EYA4: variants seen among roughly 807,000 people sequenced by gnomAD.
The protein encoded by EYA4 is protein phosphatase EYA4.
EYA4 carries 31 observed loss-of-function variants against 87.9 expected under a neutral mutation model. The observed-to-expected ratio is 0.35, with a 90% CI of 0.27 to 0.48. The LOEUF (loss-of-function observed/expected upper bound fraction) is 0.48, where lower values mean the gene tolerates loss of function less well. Among genes scored for constraint, EYA4 ranks in the 20% least tolerant of loss-of-function variants. The pLI is 0.99. For synonymous variants in EYA4, 263 were observed against 270.6 expected (o/e 0.97, Z 0.28); for missense variants, 678 against 761.4 (o/e 0.89, Z 1.29).
chr6:133,392,058 G>A (rs556082682), intron 3 of EYA4, among the ~76,000 whole-genome samples: 1 of 152,272 alleles, frequency 6.6e-6, no homozygotes, highest in African/African-American at 2.4e-5. Context: ...GATTGCTGGA[G>A]ACAGACCTTT....
chr6:133,291,782 C>CTTTCCT (rs1778508655), intron 2 of EYA4, among the ~76,000 whole-genome samples: 1 of 152,198 alleles, frequency 6.6e-6, no homozygotes, highest in Non-Finnish European at 1.5e-5. Context: ...CTCTGTAGGA[C>CTTTCCT]TGACTGCTTC....
chr6:133,287,841 C>T (rs767141490), intron 2 of EYA4, among the ~76,000 whole-genome samples: 3 of 152,060 alleles, frequency 2.0e-5, no homozygotes, highest in Non-Finnish European at 2.9e-5. Context: ...CTCCGAAAGG[C>T]TTAAACCAAG....
rs66881281 is a variant in EYA4 at position 133,385,391 on chromosome 6, C to CTGTGTGTGTGTGTGTG, written c.83+2985_83+3000dup. ...CTCTGTGTGTGTATGTATGCTCTCT[C>CTGTGTGTGTGTGTGTG]TGTGTGTGTGTGTGTGTGTGTGTGT... On this transcript the variant is annotated intron_variant, in intron 3 of 19. Transcript: ENST00000355286. Among the ~76,000 whole-genome samples the CTGTGTGTGTGTGTGTG allele has an allele frequency of 3.5e-5, 4 of 115,340 alleles. No individual in the cohort carries two copies. The South Asian group carries it at 1.1e-3, about 32-fold the overall frequency. 75.7% of individuals were successfully genotyped at this position (115,340 alleles called of 152,430 possible).
At chr6:133,391,222 G>GTT (rs531819011) in intron 3 of EYA4, among the ~76,000 whole-genome samples, 12,204 of 89,274 alleles carry the variant, frequency 0.14, 731 homozygotes, top group East Asian at 0.24. Context: ...TTTTGTTTTT[G>GTT]TTTTTTTTTT....
intron 2 of EYA4, among the ~76,000 whole-genome samples, chr6:133,318,074 T>C (rs1780764305): frequency 6.6e-6 from 1 of 152,242 alleles, no homozygotes; most frequent in Non-Finnish European, 1.5e-5. Flanking sequence ...TTTGTAGAAG[T>C]CACCTGTAAT....
At chr6:133,313,010 A>T (rs1038357075) in intron 2 of EYA4, among the ~76,000 whole-genome samples, 1 of 152,036 alleles carries the variant, frequency 6.6e-6, no homozygotes, top group African/African-American at 2.4e-5. Flanking sequence ...ATCTCCTAAG[A>T]TCTTTTAAGA....
At chr6:133,275,856 C>A (rs1361893860) in intron 2 of EYA4, among the ~76,000 whole-genome samples, 1 of 151,928 alleles carries the variant, frequency 6.6e-6, no homozygotes, top group East Asian at 1.9e-4. Flanking sequence ...CACATGGCAT[C>A]ATAGGAAAAA....
At chr6:133,423,978 GA>G (rs1190822793) in intron 3 of EYA4, among the ~76,000 whole-genome samples, 27 of 152,282 alleles carry the variant, frequency 1.8e-4, no homozygotes, top group African/African-American at 6.5e-4. Flanking sequence ...GCTCAGAGGA[GA>G]CCCACAGTGG....
intron 2 of EYA4, among the ~76,000 whole-genome samples, chr6:133,280,120 C>T (rs1349467857): frequency 4.6e-5 from 7 of 152,056 alleles, no homozygotes; most frequent in Admixed American, 3.3e-4. Context: ...AATTCTGTAT[C>T]GAAGAACTTG....
intron 2 of EYA4, among the ~76,000 whole-genome samples, chr6:133,345,625 G>A (rs747529973): frequency 1.3e-5 from 2 of 152,214 alleles, no homozygotes; most frequent in South Asian, 2.1e-4. Context: ...CAGTAATAAA[G>A]TGACAGAATG....
intron 5 of EYA4, chr6:133,453,772 A>G (rs751809500): frequency 1.9e-4 from 29 of 152,136 alleles, no homozygotes; most frequent in Non-Finnish European, 3.7e-4. Flanking sequence ...GTTAGCATCC[A>G]TTACTTTAAA....
At chr6:133,328,734 A>G (rs1191778973) in intron 2 of EYA4, among the ~76,000 whole-genome samples, 1 of 152,100 alleles carries the variant, frequency 6.6e-6, no homozygotes, top group Non-Finnish European at 1.5e-5. Context: ...AGACAAATGT[A>G]TATATAAAGG....
chr6:133,262,866 G>A (rs1775909612), intron 1 of EYA4, among the ~76,000 whole-genome samples: 1 of 152,192 alleles, frequency 6.6e-6, no homozygotes. Context: ...AGTCAGGCAA[G>A]GTGCTCATTA....
At chr6:133,365,755 T>G (rs1784808689) in intron 2 of EYA4, among the ~76,000 whole-genome samples, 1 of 151,792 alleles carries the variant, frequency 6.6e-6, no homozygotes. Context: ...CCTGGGAGAT[T>G]TAGGGAAGGG....
intron 7 of EYA4, 119 bp downstream of exon 7, chr6:133,461,299 T>C: frequency 1.3e-6 from 1 of 787,452 alleles, no homozygotes; most frequent in Admixed American, 1.8e-5. Context: ...CTGTACAAAT[T>C]TGAAATGGAG....
In EYA4 at chr6:133,401,524, G is replaced by A. The variant is rs1267280319; in HGVS notation, c.83+19083G>A. ...CCCTCAAAATGTGTCCTTCTGTTAC[G>A]TACCAACTTTAAAAAGAAAATAACA... On this transcript the variant is annotated intron_variant, in intron 3 of 19. Transcript: ENST00000355286. Among the ~76,000 whole-genome samples the A allele has an allele frequency of 5.3e-5, 8 of 152,120 alleles. No homozygotes were observed. In the East Asian group the frequency reaches 5.8e-4, roughly 11 times the overall value.
chr6:133,478,700 G>A (rs1292313677), intron 11 of EYA4, among the ~76,000 whole-genome samples: 1 of 152,092 alleles, frequency 6.6e-6, no homozygotes, highest in Admixed American at 6.6e-5. Context: ...CAAATTCTTA[G>A]AGCCCTTTTA....
At chr6:133,254,382 A>G (rs1213809267) in intron 1 of EYA4, among the ~76,000 whole-genome samples, 3 of 152,196 alleles carry the variant, frequency 2.0e-5, no homozygotes, top group Non-Finnish European at 4.4e-5. Flanking sequence ...AAAATCCCAG[A>G]TGTATCTATT....
chr6:133,269,251 T>C (rs75106170), intron 1 of EYA4, among the ~76,000 whole-genome samples: 5,884 of 152,226 alleles, frequency 0.039, 179 homozygotes, highest in African/African-American at 0.086. Flanking sequence ...AGAGCAGGAC[T>C]TCATCTCAAA....
Sources: allele counts gnomAD v4.1 joint callset (sites outside exome capture counted in the v4.1 genomes callset), GRCh38; gene constraint gnomAD v4.1.1; transcripts MANE v1.5; gene names NCBI Gene and HGNC (gene_info 2026-07-23, HGNC 2026-07-21).